Variants in TMA16 observed in about 807,000 individuals in gnomAD.
The protein encoded by TMA16 is translation machinery associated 16 homolog.
A neutral mutation model predicts 27.1 loss-of-function variants in TMA16; 26 were observed. The ratio of observed to expected loss-of-function variants is 0.96; its 90% CI spans 0.70 to 1.33. The LOEUF (loss-of-function observed/expected upper bound fraction) is 1.33. TMA16 is among the 40% of genes most tolerant of loss of function. The probability of loss-of-function intolerance (pLI) is 0.00; values close to 1 mark genes in which losing one functional copy is unlikely to be tolerated. For missense variants in TMA16, 233 were observed against 241.4 expected (o/e 0.97, Z 0.23); for synonymous variants, 71 against 81.9 (o/e 0.87, Z 0.72).
rs547274680 is a variant in TMA16, at chr4:163,520,318, T to C, written c.*804T>C. The C allele has an allele frequency of 1.7e-5, 3 of 174,396 alleles. No individual in the cohort carries two copies. The highest frequency in any genetic ancestry group is 1.7e-4 in the South Asian group (1 of 5,820). 10.8% of individuals were successfully genotyped at this position (174,396 alleles called of 1,614,324 possible). On this transcript the variant is annotated 3_prime_UTR_variant, in exon 7 of 7. Coordinates refer to ENST00000358572, the MANE Select transcript of TMA16 (RefSeq NM_018352.3). Reference sequence around the variant, plus strand: ...TTCAGTGTCATGAAAAACATGAATGTTGTACAATTTTCTTCCTCAAAAAAC... The same window carrying C: ...TTCAGTGTCATGAAAAACATGAATGCTGTACAATTTTCTTCCTCAAAAAAC...
intron 1 of TMA16, among the ~76,000 whole-genome samples, chr4:163,505,368 G>A (rs185653625): frequency 6.6e-6 from 1 of 152,268 alleles, no homozygotes; most frequent in Non-Finnish European, 1.5e-5. Flanking sequence ...GATACCTTAA[G>A]ATTCAGATGT....
Position 163,514,492 on chromosome 4 carries a change from T to C in TMA16, c.239+334T>C, listed in dbSNP as rs868796511. On this transcript the variant is annotated intron_variant, in intron 4 of 6. Transcript: ENST00000358572. ...ATTTAAAAATGCCCAGAAGTGAGAA[T>C]GAAGATAACGTATTTAGTGATCTGC... Among the ~76,000 whole-genome samples the C allele has an allele frequency of 2.0e-5, 3 of 152,266 alleles. No homozygotes were observed. The South Asian group carries it at 6.2e-4, about 32-fold the overall frequency.
At chr4:163,515,695 A>G in intron 5 of TMA16, 1 of 402,696 alleles carries the variant, frequency 2.5e-6, no homozygotes, top group Non-Finnish European at 4.5e-6. Flanking sequence ...TTACCGTGAT[A>G]GTAATACTGA....
rs538407011 is a variant in TMA16 at position 163,508,824 on chromosome 4, T to A, written c.116+1679T>A. Among the ~76,000 whole-genome samples the A allele has an allele frequency of 3.2e-4, 49 of 152,338 alleles. No individual in the cohort carries two copies. The South Asian group carries it at 4.4e-3, about 14-fold the overall frequency. On this transcript the variant is annotated intron_variant, in intron 2 of 6. Transcript: ENST00000358572. Reference sequence around the variant, plus strand: ...AATGTTTGTATGTTGTCAGGTATATTCAGCATGTTGTGTATTGATTTACAG... The same window carrying A: ...AATGTTTGTATGTTGTCAGGTATATACAGCATGTTGTGTATTGATTTACAG...
intron 2 of TMA16, among the ~76,000 whole-genome samples, chr4:163,511,126 A>G (rs1737785915): frequency 6.6e-6 from 1 of 152,190 alleles, no homozygotes; most frequent in Non-Finnish European, 1.5e-5. Flanking sequence ...TTAAGTATAT[A>G]TGAAATTACC....
chr4:163,514,726 A>G (rs1737849999), intron 4 of TMA16, among the ~76,000 whole-genome samples: 1 of 152,172 alleles, frequency 6.6e-6, no homozygotes, highest in South Asian at 2.1e-4. Context: ...AAGAAAACAG[A>G]CTGAGAGGTT....
Position 163,510,348 on chromosome 4 carries a change from T to TC in TMA16, c.117-2472dup, listed in dbSNP as rs557442789. ...CAGTATGTAGTATACAATTTCATCT[T>TC]CCTAGAAAATTCCCTTGTGTATCTT... is the stretch of plus-strand genomic sequence containing the variant. On this transcript the variant is annotated intron_variant, in intron 2 of 6. Transcript: ENST00000358572. 2.2e-3 allele frequency among the ~76,000 whole-genome samples: 330 copies of TC among 152,330 alleles called. 1 individual carries two copies. The highest frequency in any genetic ancestry group is 3.9e-3 in the Non-Finnish European group (268 of 68,034).
intron 2 of TMA16, chr4:163,512,597 C>T (rs1737814298): frequency 4.6e-6 from 2 of 434,556 alleles, no homozygotes; most frequent in Admixed American, 3.7e-5. Context: ...TATAGGCTTC[C>T]TTTAGACATT....
At chr4:163,513,612 ATC>A (rs1235250209) in intron 3 of TMA16, among the ~76,000 whole-genome samples, 1 of 152,202 alleles carries the variant, frequency 6.6e-6, no homozygotes, top group African/African-American at 2.4e-5. Context: ...GTCATTTAAC[ATC>A]TCTCATCTAC....
intron 6 of TMA16, 144 bp from the exon 7 acceptor site, chr4:163,519,187 GTAA>G (rs1316423428): frequency 3.5e-5 from 22 of 630,828 alleles, no homozygotes; most frequent in Non-Finnish European, 5.2e-5. Context: ...CAGCTTTCTA[GTAA>G]TTTGTGCCTA....
chr4:163,507,873 G>C (rs1737740508), intron 2 of TMA16, among the ~76,000 whole-genome samples: 1 of 151,694 alleles, frequency 6.6e-6, no homozygotes, highest in Non-Finnish European at 1.5e-5. Flanking sequence ...CCATTTTCAT[G>C]AATGTTAGAT....
In TMA16 at chr4:163,519,824, A is replaced by G. The variant is rs1579022387; in HGVS notation, c.*310A>G. On this transcript the variant is annotated 3_prime_UTR_variant, in exon 7 of 7. Transcript: ENST00000358572. ...GTTTTGTTTTTCTTGTGTATTTATG[A>G]TCACCTAATTTCACGTTTTGTGAAA... is the stretch of plus-strand genomic sequence containing the variant. 2.0e-6 allele frequency: 1 copy of G among 507,060 alleles called. No individual in the cohort carries two copies. Among genetic ancestry groups the G allele is most frequent in the Non-Finnish European group, 3.5e-6 (1 of 288,722 alleles). 31.4% of individuals were successfully genotyped at this position (507,060 alleles called of 1,614,324 possible). A position where few individuals can be genotyped will look rare whatever the true frequency, so the allele number is the denominator to read the frequency against.
chr4:163,497,671 C>T (rs1163777076), intron 1 of TMA16, among the ~76,000 whole-genome samples: 9 of 152,204 alleles, frequency 5.9e-5, no homozygotes, highest in Admixed American at 5.9e-4. Flanking sequence ...CAGTGATCCT[C>T]CTGCCTTCCT....
chr4:163,504,524 G>A (rs1737693659), intron 1 of TMA16, among the ~76,000 whole-genome samples: 1 of 152,130 alleles, frequency 6.6e-6, no homozygotes, highest in African/African-American at 2.4e-5. Flanking sequence ...TTGAGGCAGA[G>A]TCTGACCCTG....
intron 4 of TMA16, among the ~76,000 whole-genome samples, chr4:163,514,775 ACAAT>A (rs1355104939): frequency 1.1e-4 from 16 of 152,222 alleles, no homozygotes; most frequent in African/African-American, 3.9e-4. Flanking sequence ...GGTTGCTGTA[ACAAT>A]CCAGGCCAGA....
chr4:163,512,950 C>A, intron 3 of TMA16, 91 bp downstream of exon 3: 2 of 931,976 alleles, frequency 2.1e-6, no homozygotes, highest in East Asian at 5.0e-5. Context: ...TAGTGAAATA[C>A]TGTTTTTATC....
Position 163,507,059 on chromosome 4 carries a change from A to C in TMA16, c.30A>C (p.Ala10=), listed in dbSNP as rs1737727431. 6.3e-7 allele frequency: 1 copy of C among 1,593,230 alleles called. No individual in the cohort carries two copies. The highest frequency in any genetic ancestry group is 1.3e-5 in the African/African-American group (1 of 74,622). MPKAPKGKS[A]GREKKVIHPY... is the part of the protein sequence containing the mutation. ...CCAAAGCACCAAAGGGAAAAAGTGC[A>C]GGACGGGAAAAAAAAGTCATCCATC... The change falls in exon 2 of 7, where the codon GCA becomes GCC. Residue 10 remains alanine, a synonymous_variant. Coordinates refer to ENST00000358572, the MANE Select transcript of TMA16 (RefSeq NM_018352.3).
At chr4:163,511,581 T>C (rs1281978747) in intron 2 of TMA16, among the ~76,000 whole-genome samples, 1 of 150,602 alleles carries the variant, frequency 6.6e-6, no homozygotes, top group East Asian at 1.9e-4. Flanking sequence ...GAGGCCAAGG[T>C]GAGAGGACCG....
At chr4:163,517,411 A>G (rs768784142) in intron 5 of TMA16, 23 bp from the exon 6 acceptor site, 1 of 1,598,448 alleles carries the variant, frequency 6.3e-7, no homozygotes, top group South Asian at 1.1e-5. Flanking sequence ...TGCCTCATGG[A>G]GATAAATTAC....
Sources: gnomAD v4.1 joint callset for allele counts (sites outside exome capture counted in the v4.1 genomes callset) on GRCh38, gnomAD v4.1.1 for gene constraint, MANE v1.5 for transcripts, NCBI Gene and HGNC (gene_info 2026-07-23, HGNC 2026-07-21) for gene names.